The following SHANK2 variants were observed in gnomAD, a reference collection of about 807,000 sequenced individuals.
The protein encoded by SHANK2 is SH3 and multiple ankyrin repeat domains protein 2.
A neutral mutation model predicts 133.7 loss-of-function variants in SHANK2; 43 were observed. The ratio of observed to expected loss-of-function variants is 0.32; its 90% CI spans 0.25 to 0.41. SHANK2 has a LOEUF of 0.41. Among genes scored for constraint, SHANK2 ranks in the 10% least tolerant of loss-of-function variants. SHANK2 has a pLI of 1.00. For synonymous variants in SHANK2, 1,017 were observed against 952.8 expected (o/e 1.07, Z -1.24); for missense variants, 1,994 against 2,235.8 (o/e 0.89, Z 2.18).
chr11:70,660,026 A>C, intron 16 of SHANK2, 74 bp from the exon 17 acceptor site: 1 of 1,599,634 alleles, frequency 6.3e-7, no homozygotes, highest in Non-Finnish European at 8.6e-7. Flanking sequence ...ACCTCCCCAC[A>C]GGACCCCGGG....
chr11:70,503,381 G>C (rs2059089132), intron 17 of SHANK2, among the ~76,000 whole-genome samples: 1 of 152,156 alleles, frequency 6.6e-6, no homozygotes, highest in Non-Finnish European at 1.5e-5. Context: ...GAAACGTGGC[G>C]CTTAATTGCT....
intron 9 of SHANK2, among the ~76,000 whole-genome samples, chr11:71,061,624 A>C (rs1950987080): frequency 6.6e-6 from 1 of 152,156 alleles, no homozygotes; most frequent in South Asian, 2.1e-4. Context: ...CTTTCCCTGG[A>C]AAGTAACCCC....
At chr11:70,564,523 G>A (rs2059945067) in intron 17 of SHANK2, among the ~76,000 whole-genome samples, 1 of 152,020 alleles carries the variant, frequency 6.6e-6, no homozygotes, top group South Asian at 2.1e-4. Context: ...GCCTCCCAAA[G>A]TGCTGGGATT....
At position 71,169,147 on chromosome 11, in the gene SHANK2, A is replaced by T. The variant is rs180812240; in HGVS notation, c.-12-21809T>A. On this transcript the variant is annotated intron_variant, in intron 2 of 25. Transcript: ENST00000601538. ...TGAACACAGACGCAAGGCAAAGGAGACACTTGGTTGGTTACAATGATGTGG... is the reference window on the plus strand; with the variant it reads ...TGAACACAGACGCAAGGCAAAGGAGTCACTTGGTTGGTTACAATGATGTGG... Among the ~76,000 whole-genome samples, 216 of 152,252 alleles carry T rather than the reference A, an allele frequency of 1.4e-3. 1 individual carries two copies. The highest frequency in any genetic ancestry group is 0.01 in the Middle Eastern group (3 of 294).
At chr11:70,652,750 G>A (rs11237074) in intron 17 of SHANK2, among the ~76,000 whole-genome samples, 2,864 of 152,272 alleles carry the variant, frequency 0.019, 32 homozygotes, top group Non-Finnish European at 0.03. Context: ...GCTCAAGGCT[G>A]CAGTGAGCTG....
chr11:70,475,254 G>A (rs2135675029), intron 25 of SHANK2: 1 of 152,324 alleles, frequency 6.6e-6, no homozygotes, highest in South Asian at 2.1e-4. Flanking sequence ...CAAACCTGTG[G>A]AAGCAGGAGT....
chr11:70,636,099 G>A (rs902298656), intron 17 of SHANK2, among the ~76,000 whole-genome samples: 3 of 152,260 alleles, frequency 2.0e-5, no homozygotes, highest in African/African-American at 7.2e-5. Context: ...CCTTCCCCTT[G>A]GGGAGCCTTC....
chr11:70,885,684 C>T (rs1555073324), intron 11 of SHANK2, among the ~76,000 whole-genome samples: 1 of 152,196 alleles, frequency 6.6e-6, no homozygotes, highest in Admixed American at 6.5e-5. Flanking sequence ...GTCACTGCAG[C>T]ATCCCATCAG....
intron 17 of SHANK2, among the ~76,000 whole-genome samples, chr11:70,608,827 T>C (rs1201860966): frequency 6.6e-6 from 1 of 152,236 alleles, no homozygotes; most frequent in East Asian, 1.9e-4. Context: ...CGCGGTCTAT[T>C]ACGCAAAACC....
chr11:71,185,274 A>G (rs1555114321), intron 2 of SHANK2, among the ~76,000 whole-genome samples: 1 of 152,194 alleles, frequency 6.6e-6, no homozygotes, highest in African/African-American at 2.4e-5. Flanking sequence ...CACAAAAGCC[A>G]CTTGCCAGCA....
chr11:70,713,252 C>T (rs1945833395), intron 14 of SHANK2, among the ~76,000 whole-genome samples: 1 of 152,214 alleles, frequency 6.6e-6, no homozygotes, highest in Non-Finnish European at 1.5e-5. Flanking sequence ...CTCCAATAAA[C>T]AGAAATCACT....
intron 11 of SHANK2, among the ~76,000 whole-genome samples, chr11:70,824,845 G>A (rs1261994897): frequency 2.0e-5 from 3 of 152,194 alleles, no homozygotes; most frequent in Admixed American, 2.0e-4. Context: ...GCAAAGGGCT[G>A]ATGAGCCCAC....
intron 17 of SHANK2, among the ~76,000 whole-genome samples, chr11:70,629,796 G>T (rs782636877): frequency 6.6e-5 from 10 of 152,158 alleles, no homozygotes; most frequent in Non-Finnish European, 8.8e-5. Flanking sequence ...CTGGGCCTCA[G>T]TTTCCCCAAG....
chr11:70,518,941 G>T (rs2059298073), intron 17 of SHANK2, among the ~76,000 whole-genome samples: 1 of 152,152 alleles, frequency 6.6e-6, no homozygotes, highest in African/African-American at 2.4e-5. Flanking sequence ...ACAGGGTCTT[G>T]CTCTGTCACC....
rs77531451 is a variant in SHANK2 at position 70,830,563 on chromosome 11, C to T, written c.1175-9881G>A. On this transcript the variant is annotated intron_variant, in intron 11 of 25. Transcript: ENST00000601538. The surrounding 1 kb of genome is among the most constrained non-coding windows in gnomAD (Gnocchi z 4.4). The stretch of plus-strand genomic sequence containing the variant: ...GGGTGCACAGCCTCCCGCAGAACTC[C>T]GGGAATTCGCTAGCGCCCTTCCCAT... Among the ~76,000 whole-genome samples the T allele has an allele frequency of 8.9e-4, 135 of 152,346 alleles. 1 individual carries two copies. The highest frequency in any genetic ancestry group is 3.4e-3 in the Middle Eastern group (1 of 294).
chr11:70,516,444 A>C (rs2059267452), intron 17 of SHANK2, among the ~76,000 whole-genome samples: 1 of 152,250 alleles, frequency 6.6e-6, no homozygotes, highest in Non-Finnish European at 1.5e-5. Context: ...ACAGACCTGA[A>C]ATCTTTCACA....
At chr11:71,184,771 C>T (rs957495536) in intron 2 of SHANK2, among the ~76,000 whole-genome samples, 18 of 152,228 alleles carry the variant, frequency 1.2e-4, no homozygotes, top group Non-Finnish European at 1.9e-4. Context: ...GCTGATTGAA[C>T]ATTCTGGGTC....
At chr11:70,514,597 G>A (rs1330499741) in intron 17 of SHANK2, among the ~76,000 whole-genome samples, 2 of 152,236 alleles carry the variant, frequency 1.3e-5, no homozygotes, top group African/African-American at 4.8e-5. Context: ...GAGTGAAGAA[G>A]ATGCATCTAT....
At chr11:70,685,332 G>T (rs1282812439) in intron 15 of SHANK2, among the ~76,000 whole-genome samples, 2 of 152,046 alleles carry the variant, frequency 1.3e-5, no homozygotes, top group Non-Finnish European at 2.9e-5. Flanking sequence ...CATCTTGGAG[G>T]CCTCAGAGCT....
Sources: gnomAD v4.1 joint callset for allele counts (sites outside exome capture counted in the v4.1 genomes callset) on GRCh38, gnomAD v4.1.1 for gene constraint, Gnocchi (gnomAD v3.1) non-coding constraint, MANE v1.5 for transcripts, NCBI Gene and HGNC (gene_info 2026-07-23, HGNC 2026-07-21) for gene names.